The following SASH1 variants were observed in gnomAD, a reference collection of about 807,000 sequenced individuals.
The protein encoded by SASH1 is SAM and SH3 domain-containing protein 1.
In SASH1, 44 loss-of-function variants were observed where a neutral mutation model predicts 125.2. The ratio of observed to expected loss-of-function variants is 0.35; its 90% CI spans 0.28 to 0.45. The LOEUF (loss-of-function observed/expected upper bound fraction) is 0.45. Among genes scored for constraint, SASH1 ranks in the 20% least tolerant of loss-of-function variants. SASH1 has a pLI of 1.00. For missense variants in SASH1, 1,426 were observed against 1,614.5 expected (o/e 0.88, Z 2.00); for synonymous variants, 639 against 649.1 (o/e 0.98, Z 0.24).
At chr6:148,520,925 T>C (rs1780768659) in intron 10 of SASH1, among the ~76,000 whole-genome samples, 1 of 152,202 alleles carries the variant, frequency 6.6e-6, no homozygotes, top group African/African-American at 2.4e-5. Context: ...ACAACAAAAA[T>C]GGGAGCTTTT....
At chr6:148,313,637 G>T (rs1780395732) in intron 1 of SASH1, among the ~76,000 whole-genome samples, 2 of 152,024 alleles carry the variant, frequency 1.3e-5, no homozygotes, top group East Asian at 3.9e-4. Flanking sequence ...TCAACAGGTG[G>T]CACGAGCTCG....
At chr6:148,244,988 A>C in the SASH1 span, among the ~76,000 whole-genome samples, 1 of 106,242 alleles carries the variant, frequency 9.4e-6, no homozygotes, top group Non-Finnish European at 2.1e-5. Context: ...GAGAGAGAGA[A>C]AGATTACAAG....
chr6:148,538,325 C>CCATGT (rs1045012569), intron 16 of SASH1, among the ~76,000 whole-genome samples: 1 of 152,200 alleles, frequency 6.6e-6, no homozygotes, highest in African/African-American at 2.4e-5. Context: ...GTGCACTGAA[C>CCATGT]CATGTCACCA....
intron 8 of SASH1, chr6:148,508,595 C>A (rs887225846): frequency 8.9e-7 from 1 of 1,127,776 alleles, no homozygotes; most frequent in African/African-American, 1.6e-5. Context: ...GCCTTTCTTG[C>A]GAGTTATGCA....
Position 148,544,843 on chromosome 6 carries a change from C to T in SASH1, c.3348+25C>T, listed in dbSNP as rs927533026. ...GGTATCAAAGGTCCTGGGCCCACCA[C>T]GTTCACAGGCCTTTGTTTGTAGAAG... On this transcript the variant is annotated intron_variant, in intron 18 of 19. Coordinates refer to ENST00000367467, the MANE Select transcript of SASH1 (RefSeq NM_015278.5). The surrounding 1 kb of genome is among the most constrained non-coding windows in gnomAD (Gnocchi z 6.4). The T allele has an allele frequency of 7.2e-6, 11 of 1,533,302 alleles. 1 individual carries two copies. Among genetic ancestry groups the T allele is most frequent in the South Asian group, 5.0e-5 (4 of 80,702 alleles). The allele number at this position is 1,533,302 out of a possible 1,614,324, so 95.0% of individuals were successfully genotyped here. A position where few individuals can be genotyped will look rare whatever the true frequency, so the allele number is the denominator to read the frequency against.
At chr6:148,251,245 T>C in the SASH1 span, among the ~76,000 whole-genome samples, 5 of 152,328 alleles carry the variant, frequency 3.3e-5, 1 homozygote, top group East Asian at 9.6e-4. Flanking sequence ...CCTAATAGTA[T>C]TGACTAGACA....
intron 8 of SASH1, among the ~76,000 whole-genome samples, chr6:148,489,742 T>C (rs574429665): frequency 1.3e-5 from 2 of 152,204 alleles, no homozygotes; most frequent in Non-Finnish European, 2.9e-5. Context: ...GTGACAATGC[T>C]TTTTAAATTT....
chr6:148,397,487 A>G (rs764024185), intron 2 of SASH1, among the ~76,000 whole-genome samples: 6 of 152,210 alleles, frequency 3.9e-5, no homozygotes, highest in Non-Finnish European at 7.3e-5. Flanking sequence ...TCCGTCTCAA[A>G]AAAAAAATTT....
intron 1 of SASH1, among the ~76,000 whole-genome samples, chr6:148,351,762 C>G (rs1166918915): frequency 6.8e-6 from 1 of 146,808 alleles, no homozygotes; most frequent in Non-Finnish European, 1.5e-5. Flanking sequence ...TTGTATTGGT[C>G]TTGCTGTCAG....
chr6:148,200,859 A>G, the SASH1 span, among the ~76,000 whole-genome samples: 2,766 of 152,010 alleles, frequency 0.018, 36 homozygotes, highest in East Asian at 0.06. Flanking sequence ...TCCTTTCACT[A>G]CTCCACCCGT....
At chr6:148,243,438 A>G in the SASH1 span, among the ~76,000 whole-genome samples, 1 of 140,612 alleles carries the variant, frequency 7.1e-6, no homozygotes, top group African/African-American at 2.6e-5. Context: ...CAACAAGAGC[A>G]AAATTCCATC....
At chr6:148,386,936 C>T (rs1330606832) in intron 1 of SASH1, among the ~76,000 whole-genome samples, 1 of 152,016 alleles carries the variant, frequency 6.6e-6, no homozygotes, top group African/African-American at 2.4e-5. Flanking sequence ...AAACAAACAT[C>T]CCTAGGTGAA....
chr6:148,342,425 G>C (rs1440803455), upstream of SASH1, among the ~76,000 whole-genome samples: 1 of 152,224 alleles, frequency 6.6e-6, no homozygotes, highest in African/African-American at 2.4e-5. Context: ...AGCGTGATTG[G>C]AAACTTGTGC....
At chr6:148,247,490 G>T in the SASH1 span, among the ~76,000 whole-genome samples, 1 of 152,208 alleles carries the variant, frequency 6.6e-6, no homozygotes, top group Non-Finnish European at 1.5e-5. Context: ...CTAGTGGACA[G>T]TGAGCACCTT....
At chr6:148,239,669 G>T in the SASH1 span, among the ~76,000 whole-genome samples, 1 of 147,528 alleles carries the variant, frequency 6.8e-6, no homozygotes, top group South Asian at 2.1e-4. Flanking sequence ...GTAGCACCTT[G>T]CTAATCAATG....
rs1160840407 is a variant in SASH1, at chr6:148,307,088, C to CTT, written n.74+34713_74+34714dup. The stretch of plus-strand genomic sequence containing the variant: ...TCTTTCTTTCTTTCTTTCTTTCTTT[C>CTT]TTTCTTTCTCTCTCTCTGTCTCTTT... On this transcript the variant is annotated intron_variant and non_coding_transcript_variant, in intron 1 of 3. Coordinates refer to the SASH1 transcript ENST00000367469. Among the ~76,000 whole-genome samples the CTT allele has an allele frequency of 1.4e-3, 188 of 138,070 alleles. 3 individuals carry two copies. Among genetic ancestry groups the CTT allele is most frequent in the African/African-American group, 5.4e-3 (182 of 33,796 alleles). 90.6% of individuals were successfully genotyped at this position (138,070 alleles called of 152,430 possible). A position where few individuals can be genotyped will look rare whatever the true frequency, so the allele number is the denominator to read the frequency against.
intron 7 of SASH1, among the ~76,000 whole-genome samples, chr6:148,484,606 T>C (rs1487320859): frequency 6.6e-6 from 1 of 151,712 alleles, no homozygotes; most frequent in Non-Finnish European, 1.5e-5. Flanking sequence ...GAGCTTGTTT[T>C]GTAACTTTAA....
intron 10 of SASH1, among the ~76,000 whole-genome samples, chr6:148,524,121 A>ATATATATGTATTT (rs1193506716): frequency 7.8e-6 from 1 of 128,610 alleles, no homozygotes; most frequent in Non-Finnish European, 1.6e-5. Flanking sequence ...ATATATATAT[A>ATATATATGTATTT]TTTTTTTTAA....
the SASH1 span, among the ~76,000 whole-genome samples, chr6:148,230,319 A>G: frequency 6.6e-6 from 1 of 152,206 alleles, no homozygotes; most frequent in Non-Finnish European, 1.5e-5. Context: ...ATATTGATCA[A>G]TATAAGAGAT....
Sources: allele counts gnomAD v4.1 joint callset (sites outside exome capture counted in the v4.1 genomes callset), GRCh38; gene constraint gnomAD v4.1.1; non-coding constraint Gnocchi (gnomAD v3.1); transcripts MANE v1.5; gene names NCBI Gene and HGNC (gene_info 2026-07-23, HGNC 2026-07-21).